Variants in CARMIL1 observed in about 807,000 individuals in gnomAD.
The protein encoded by CARMIL1 is F-actin-uncapping protein LRRC16A.
CARMIL1 carries 90 observed loss-of-function variants against 177.1 expected under a neutral mutation model. That is an observed-to-expected ratio of 0.51 (90% CI 0.43 to 0.61). The LOEUF (loss-of-function observed/expected upper bound fraction) is 0.61, where lower values mean the gene tolerates loss of function less well. Among genes scored for constraint, CARMIL1 ranks in the 20% least tolerant of loss-of-function variants. CARMIL1 has a pLI of 0.00. For synonymous variants in CARMIL1, 577 were observed against 606.2 expected (o/e 0.95, Z 0.71); for missense variants, 1,380 against 1,667.0 (o/e 0.83, Z 3.00).
chr6:25,394,762 A>G (rs1321670950), intron 2 of CARMIL1, among the ~76,000 whole-genome samples: 1 of 152,236 alleles, frequency 6.6e-6, no homozygotes, highest in Non-Finnish European at 1.5e-5. Context: ...TTGTACTTAA[A>G]AGAAACATTT....
chr6:25,379,155 T>G (rs1407207252), intron 2 of CARMIL1, among the ~76,000 whole-genome samples: 2 of 152,226 alleles, frequency 1.3e-5, no homozygotes, highest in Non-Finnish European at 2.9e-5. Flanking sequence ...AAAGTTTGAC[T>G]CAGTAGGTGC....
chr6:25,619,567 A>G lies in CARMIL1; in HGVS notation c.4100A>G (p.Glu1367Gly), dbSNP rs762114686. 1.2e-6 allele frequency: 2 copies of G among 1,613,556 alleles called. No homozygotes were observed. The highest frequency in any genetic ancestry group is 1.1e-5 in the South Asian group (1 of 91,028). The stretch of plus-strand genomic sequence containing the variant: ...GACTCCGGGGAAGAAGCAGAAAAAG[A>G]GTTTATTTTTGTGTAAAGGTCACCC... ...SNDSGEEAEK[E>G]FIFV Residue 1367 changes from glutamate (E) to glycine (G), a missense_variant, in exon 37 of 37, where the codon GAG becomes GGG. Physicochemically the swap from Glu to Gly is moderately conservative, Grantham distance 98. Transcript: ENST00000329474.
At chr6:25,357,518 A>T (rs1438223561) in intron 2 of CARMIL1, among the ~76,000 whole-genome samples, 1 of 152,230 alleles carries the variant, frequency 6.6e-6, no homozygotes, top group East Asian at 1.9e-4. Context: ...TGGGAAGCAG[A>T]GGTTGCAGTG....
chr6:25,586,994 C>G (rs1437486981), intron 31 of CARMIL1, among the ~76,000 whole-genome samples: 1 of 115,714 alleles, frequency 8.6e-6, no homozygotes, highest in African/African-American at 3.4e-5. Context: ...AGAGGGAGAC[C>G]GTGGAGACAG....
chr6:25,303,652 T>A (rs1783040705), intron 2 of CARMIL1, among the ~76,000 whole-genome samples: 2 of 152,248 alleles, frequency 1.3e-5, no homozygotes, highest in East Asian at 3.8e-4. Flanking sequence ...GTGTGTTATC[T>A]TTTACACAAA....
At chr6:25,434,615 CTG>C in intron 4 of CARMIL1, among the ~76,000 whole-genome samples, 1 of 150,460 alleles carries the variant, frequency 6.6e-6, no homozygotes, top group Non-Finnish European at 1.5e-5. Flanking sequence ...CCTCCGCCTC[CTG>C]GGTTCAAGCG....
In CARMIL1 at chr6:25,607,498, G is replaced by A. The variant is rs190377703; in HGVS notation, c.3847+1225G>A. 1.9e-3 allele frequency among the ~76,000 whole-genome samples: 293 copies of A among 152,260 alleles called. 3 individuals carry two copies. The highest frequency in any genetic ancestry group is 6.7e-3 in the African/African-American group (280 of 41,556). On this transcript the variant is annotated intron_variant, in intron 35 of 36. Transcript: ENST00000329474. ...GAGGAATATGAGGCACAGAGATACTGAGTTTGCCAAGTCACGCAGCTGGTG... is the reference window on the plus strand; with the variant it reads ...GAGGAATATGAGGCACAGAGATACTAAGTTTGCCAAGTCACGCAGCTGGTG...
In CARMIL1 at chr6:25,581,358, C is replaced by T. The variant is rs1186928857; in HGVS notation, c.2925C>T (p.Pro975=). 6.2e-7 allele frequency: 1 copy of T among 1,613,632 alleles called. No individual in the cohort carries two copies. Among genetic ancestry groups the T allele is most frequent in the African/African-American group, 1.3e-5 (1 of 74,890 alleles). Residue 975 remains proline (P), a synonymous_variant, in exon 31 of 37, where the codon CCC becomes CCT. Coordinates refer to ENST00000329474, the MANE Select transcript of CARMIL1 (RefSeq NM_017640.6). Reference sequence around the variant, plus strand: ...GCTCGGGATTTATCTCTGAGTTGCCCTCTGAAGAGGGGAAGAAGCTGGAAC... The same window carrying T: ...GCTCGGGATTTATCTCTGAGTTGCCTTCTGAAGAGGGGAAGAAGCTGGAAC... ...KRSSGFISEL[P]SEEGKKLEHF... is the part of the protein sequence containing the mutation.
At chr6:25,478,532 C>A (rs773980506) in intron 11 of CARMIL1, among the ~76,000 whole-genome samples, 1 of 152,126 alleles carries the variant, frequency 6.6e-6, no homozygotes, top group Non-Finnish European at 1.5e-5. Flanking sequence ...CACGGTGGCT[C>A]ACGCCTATAA....
At chr6:25,418,563 G>A (rs192657106) in intron 2 of CARMIL1, among the ~76,000 whole-genome samples, 1 of 135,226 alleles carries the variant, frequency 7.4e-6, no homozygotes, top group Non-Finnish European at 1.6e-5. Flanking sequence ...AAAAAAAAAA[G>A]ATAAATTCCT....
intron 2 of CARMIL1, among the ~76,000 whole-genome samples, chr6:25,364,939 A>G (rs1789616467): frequency 6.6e-6 from 1 of 152,152 alleles, no homozygotes; most frequent in Admixed American, 6.5e-5. Context: ...GGGCCCAAGC[A>G]TCCCTGATTC....
At chr6:25,472,575 A>AT in intron 11 of CARMIL1, 54 bp downstream of exon 11, 2 of 1,409,638 alleles carry the variant, frequency 1.4e-6, no homozygotes, top group Non-Finnish European at 2.0e-6. Flanking sequence ...GGATTAGAGA[A>AT]TTTTAATTTA....
chr6:25,424,423 G>A (rs1472987365), intron 3 of CARMIL1, among the ~76,000 whole-genome samples: 1 of 152,074 alleles, frequency 6.6e-6, no homozygotes, highest in Non-Finnish European at 1.5e-5. Flanking sequence ...GAGCCAAATT[G>A]ACCAAAGGTG....
Position 25,496,947 on chromosome 6 carries a change from G to T in CARMIL1, c.1325+1732G>T, listed in dbSNP as rs181156416. ...AACAAGGCTGGACTTACTGTACTTT[G>T]TTGCATATATACCTGTAAATGTTGT... On this transcript the variant is annotated intron_variant, in intron 16 of 36. Coordinates refer to ENST00000329474, the MANE Select transcript of CARMIL1 (RefSeq NM_017640.6). 6.6e-5 allele frequency among the ~76,000 whole-genome samples: 10 copies of T among 152,280 alleles called. No individual in the cohort carries two copies. In the East Asian group the frequency reaches 1.7e-3, roughly 26 times the overall value.
intron 8 of CARMIL1, chr6:25,452,000 C>CCCCG (rs1798997711): frequency 3.8e-5 from 7 of 184,936 alleles, no homozygotes; most frequent in African/African-American, 8.8e-5. Context: ...CCCCCTCCCC[C>CCCCG]CCCCAGAATA....
At chr6:25,477,845 C>T (rs1346802737) in intron 11 of CARMIL1, among the ~76,000 whole-genome samples, 6 of 141,692 alleles carry the variant, frequency 4.2e-5, no homozygotes, top group African/African-American at 1.6e-4. Context: ...CTCACTTCTT[C>T]TCATCACTTT....
intron 31 of CARMIL1, among the ~76,000 whole-genome samples, chr6:25,589,055 A>G (rs942431543): frequency 2.0e-5 from 3 of 152,190 alleles, no homozygotes; most frequent in Non-Finnish European, 2.9e-5. Flanking sequence ...GCATTGAATC[A>G]TGGTGTCATA....
At chr6:25,555,922 A>G (rs902527275) in intron 28 of CARMIL1, among the ~76,000 whole-genome samples, 1 of 152,136 alleles carries the variant, frequency 6.6e-6, no homozygotes, top group Non-Finnish European at 1.5e-5. Context: ...TTGCGAAAAA[A>G]TTTGCTGAAT....
chr6:25,331,894 G>T (rs538409313), intron 2 of CARMIL1, among the ~76,000 whole-genome samples: 3 of 152,332 alleles, frequency 2.0e-5, no homozygotes, highest in African/African-American at 7.2e-5. Flanking sequence ...CTTGTTAAAT[G>T]AATAGTTCAT....
Sources: gnomAD v4.1 joint callset for allele counts (sites outside exome capture counted in the v4.1 genomes callset) on GRCh38, gnomAD v4.1.1 for gene constraint, MANE v1.5 for transcripts, NCBI Gene and HGNC (gene_info 2026-07-23, HGNC 2026-07-21) for gene names.